The following CDH13 variants were observed in gnomAD, a reference collection of about 807,000 sequenced individuals.
CDH13 encodes the protein cadherin 13.
In CDH13, 24 loss-of-function variants were observed where a neutral mutation model predicts 63.8. The ratio of observed to expected loss-of-function variants is 0.38; its 90% CI spans 0.27 to 0.53. The LOEUF (loss-of-function observed/expected upper bound fraction) is 0.53. Ranked by LOEUF, CDH13 falls within the 20% of genes least tolerant of loss-of-function variation. CDH13 has a pLI of 0.85. For missense variants in CDH13, 1,049 were observed against 903.1 expected (o/e 1.16, Z -2.07); for synonymous variants, 503 against 355.3 (o/e 1.42, Z -4.67).
intron 10 of CDH13, among the ~76,000 whole-genome samples, chr16:83,731,912 G>A (rs1360837763): frequency 1.3e-5 from 2 of 152,218 alleles, no homozygotes; most frequent in East Asian, 3.8e-4. Flanking sequence ...CAGGTAGCAG[G>A]TAGTCGATAA....
At chr16:83,771,242 C>G (rs1432083310) in intron 11 of CDH13, among the ~76,000 whole-genome samples, 2 of 152,160 alleles carry the variant, frequency 1.3e-5, no homozygotes, top group Admixed American at 1.3e-4. Context: ...ACCAAGATCA[C>G]AAAAGGCTAA....
At chr16:83,465,081 G>A (rs1257935516) in intron 6 of CDH13, among the ~76,000 whole-genome samples, 1 of 152,218 alleles carries the variant, frequency 6.6e-6, no homozygotes, top group Non-Finnish European at 1.5e-5. Flanking sequence ...ACAGAAGGCG[G>A]CAGACAAAGT....
At chr16:83,109,238 C>T (rs1214566541) in intron 3 of CDH13, among the ~76,000 whole-genome samples, 5 of 152,110 alleles carry the variant, frequency 3.3e-5, no homozygotes, top group African/African-American at 7.2e-5. Flanking sequence ...GGATGGATTC[C>T]TGGGAAATTT....
chr16:83,443,705 GAAAA>G (rs1167862979), intron 6 of CDH13, among the ~76,000 whole-genome samples: 3 of 107,100 alleles, frequency 2.8e-5, no homozygotes, highest in African/African-American at 1.3e-4. Context: ...AAGTCCCTAC[GAAAA>G]AAAAAAAAAA....
rs753124020 is a variant in CDH13 at position 83,060,879 on chromosome 16, C to T, written c.366+28661C>T. 2.6e-5 allele frequency among the ~76,000 whole-genome samples: 4 copies of T among 152,316 alleles called. No homozygotes were observed. The South Asian group carries it at 6.2e-4, about 24-fold the overall frequency. On this transcript the variant is annotated intron_variant, in intron 3 of 13. Transcript: ENST00000567109. ...GCCTCTTTACTTCCCCTTAAACAAC[C>T]TATTCCAACTGGTACTACTTGATAA...
intron 7 of CDH13, among the ~76,000 whole-genome samples, chr16:83,509,222 C>T (rs919300676): frequency 4.6e-5 from 7 of 152,154 alleles, no homozygotes; most frequent in South Asian, 2.1e-4. Context: ...AGCAGGGAGG[C>T]GGCCATGGAA....
intron 5 of CDH13, among the ~76,000 whole-genome samples, chr16:83,301,775 T>C (rs2089752854): frequency 6.6e-6 from 1 of 152,154 alleles, no homozygotes; most frequent in Non-Finnish European, 1.5e-5. Flanking sequence ...CATCATTTCC[T>C]GTAATTTTTT....
intron 5 of CDH13, among the ~76,000 whole-genome samples, chr16:83,282,347 C>T (rs2151857504): frequency 6.6e-6 from 1 of 152,274 alleles, no homozygotes; most frequent in Non-Finnish European, 1.5e-5. Context: ...ATGCTCAACG[C>T]AGGGTTGCCA....
intron 3 of CDH13, among the ~76,000 whole-genome samples, chr16:83,119,375 T>C (rs1224479634): frequency 6.6e-6 from 1 of 152,212 alleles, no homozygotes; most frequent in South Asian, 2.1e-4. Context: ...CAATTCCTCA[T>C]GTCCCCTAGA....
At chr16:83,746,045 G>C (rs1158513357) in intron 10 of CDH13, among the ~76,000 whole-genome samples, 1 of 152,180 alleles carries the variant, frequency 6.6e-6, no homozygotes, top group African/African-American at 2.4e-5. Context: ...GTTGGTTTGT[G>C]CCTCAGAGTC....
At chr16:82,677,814 G>C (rs1000157626) in intron 1 of CDH13, among the ~76,000 whole-genome samples, 1 of 151,984 alleles carries the variant, frequency 6.6e-6, no homozygotes, top group Non-Finnish European at 1.5e-5. Context: ...TGACTGCCTT[G>C]ATGGTTTCAG....
intron 6 of CDH13, among the ~76,000 whole-genome samples, chr16:83,462,468 G>A (rs948711835): frequency 2.0e-5 from 3 of 152,220 alleles, no homozygotes; most frequent in Admixed American, 2.0e-4. Context: ...AAAGAAATTA[G>A]AGGCAAGGTG....
intron 4 of CDH13, among the ~76,000 whole-genome samples, chr16:83,216,547 G>A (rs1421654557): frequency 7.4e-6 from 1 of 135,118 alleles, no homozygotes; most frequent in African/African-American, 2.7e-5. Context: ...ATATATAATG[G>A]GGTTTAATAT....
intron 7 of CDH13, among the ~76,000 whole-genome samples, chr16:83,525,863 G>A (rs1464669867): frequency 6.6e-6 from 1 of 152,204 alleles, no homozygotes; most frequent in Admixed American, 6.5e-5. Flanking sequence ...ACTTTGTCCA[G>A]CACTGCTGGC....
At chr16:82,921,166 A>C (rs1014919378) in intron 2 of CDH13, among the ~76,000 whole-genome samples, 2 of 152,146 alleles carry the variant, frequency 1.3e-5, no homozygotes, top group African/African-American at 4.8e-5. Flanking sequence ...ATTACCATAA[A>C]TTTGGTGGCT....
intron 4 of CDH13, among the ~76,000 whole-genome samples, chr16:83,202,438 T>A (rs1307908892): frequency 4.6e-5 from 7 of 152,084 alleles, no homozygotes; most frequent in Non-Finnish European, 1.0e-4. Context: ...AAGATTTTAA[T>A]CAGGGCATGA....
chr16:82,708,413 G>C (rs1316405341), intron 1 of CDH13, among the ~76,000 whole-genome samples: 1 of 152,154 alleles, frequency 6.6e-6, no homozygotes. Context: ...AGCCTATGGA[G>C]TTCAGATGAG....
chr16:83,697,208 A>G (rs1905521623), intron 10 of CDH13, among the ~76,000 whole-genome samples: 1 of 152,220 alleles, frequency 6.6e-6, no homozygotes, highest in African/African-American at 2.4e-5. Flanking sequence ...AGAACAGGGA[A>G]AAATTTGAGT....
chr16:82,651,311 A>G (rs964148885), intron 1 of CDH13, among the ~76,000 whole-genome samples: 2 of 152,240 alleles, frequency 1.3e-5, no homozygotes, highest in East Asian at 1.9e-4. Context: ...ACTTCATTTT[A>G]TAGCTGAGGA....
Sources: allele counts gnomAD v4.1 joint callset (sites outside exome capture counted in the v4.1 genomes callset), GRCh38; gene constraint gnomAD v4.1.1; transcripts MANE v1.5; gene names NCBI Gene and HGNC (gene_info 2026-07-23, HGNC 2026-07-21).